Variants in SBF2 observed in about 807,000 individuals in gnomAD.
SBF2 encodes myotubularin-related protein 13.
In SBF2, 112 loss-of-function variants were observed where a neutral mutation model predicts 225.2. The ratio of observed to expected loss-of-function variants is 0.50; its 90% CI spans 0.43 to 0.58. The LOEUF (loss-of-function observed/expected upper bound fraction) is 0.58, where lower values mean the gene tolerates loss of function less well. Among genes scored for constraint, SBF2 ranks in the 20% least tolerant of loss-of-function variants. SBF2 has a pLI of 0.00. For missense variants in SBF2, 1,996 were observed against 2,206.2 expected (o/e 0.90, Z 1.91); for synonymous variants, 763 against 773.3 (o/e 0.99, Z 0.22).
chr11:10,226,465 T>C (rs1468212859), intron 1 of SBF2, among the ~76,000 whole-genome samples: 3 of 151,876 alleles, frequency 2.0e-5, no homozygotes, highest in Non-Finnish European at 4.4e-5. Context: ...TATCTCCTAA[T>C]ACTATCCCTC....
intron 2 of SBF2, among the ~76,000 whole-genome samples, chr11:10,088,891 G>A (rs1231199319): frequency 6.6e-6 from 1 of 152,152 alleles, no homozygotes; most frequent in Non-Finnish European, 1.5e-5. Flanking sequence ...CTTTCTCATT[G>A]TATTTTTGGA....
intron 18 of SBF2, among the ~76,000 whole-genome samples, chr11:9,856,944 C>A (rs1312759115): frequency 1.3e-5 from 2 of 152,006 alleles, no homozygotes; most frequent in Non-Finnish European, 2.9e-5. Context: ...CCTGCCACCA[C>A]GCCCAGCTAA....
intron 25 of SBF2, among the ~76,000 whole-genome samples, chr11:9,842,296 T>C (rs1856214215): frequency 6.6e-6 from 1 of 152,214 alleles, no homozygotes; most frequent in Non-Finnish European, 1.5e-5. Flanking sequence ...AAATTCTTAT[T>C]CTAGAAGGAT....
At position 9,942,891 on chromosome 11, in the gene SBF2, A is replaced by AAG. The variant is rs754405397; in HGVS notation, c.1860+19064_1860+19065dup. ...AGGAAGAAAGAAAGAAAAGAAAAGA[A>AAG]AGAGAGAGAGAGAAAGAAAGAAAGA... is the stretch of plus-strand genomic sequence containing the variant. On this transcript the variant is annotated intron_variant, in intron 16 of 39. Coordinates refer to ENST00000256190, the MANE Select transcript of SBF2 (RefSeq NM_030962.4). Among the ~76,000 whole-genome samples the AAG allele has an allele frequency of 6.1e-3, 398 of 65,496 alleles. 3 individuals are homozygous for AAG. Among genetic ancestry groups the AAG allele is most frequent in the African/African-American group, 0.014 (317 of 22,464 alleles). The allele number at this position is 65,496 out of a possible 152,430, so 43.0% of individuals were successfully genotyped here.
At chr11:9,881,693 C>A (rs930624845) in intron 17 of SBF2, among the ~76,000 whole-genome samples, 1 of 152,018 alleles carries the variant, frequency 6.6e-6, no homozygotes, top group African/African-American at 2.4e-5. Flanking sequence ...GAAAAGAGAA[C>A]AGATTTTAGC....
intron 2 of SBF2, among the ~76,000 whole-genome samples, chr11:10,106,933 C>T (rs1952585451): frequency 6.6e-6 from 1 of 152,054 alleles, no homozygotes; most frequent in Non-Finnish European, 1.5e-5. Flanking sequence ...TATTCTAATT[C>T]ATTAGACAAA....
chr11:10,137,842 AC>A (rs948245014), intron 2 of SBF2, among the ~76,000 whole-genome samples: 10 of 152,040 alleles, frequency 6.6e-5, no homozygotes, highest in South Asian at 4.2e-4. Context: ...CCCCGTCTCT[AC>A]TAAAAATATA....
chr11:10,143,099 C>G (rs1372065221), intron 2 of SBF2, among the ~76,000 whole-genome samples: 6 of 152,150 alleles, frequency 3.9e-5, no homozygotes, highest in Admixed American at 3.9e-4. Context: ...TTTGGTTAAT[C>G]TATAAAATAT....
intron 17 of SBF2, among the ~76,000 whole-genome samples, chr11:9,894,974 ACT>A: frequency 6.6e-6 from 1 of 152,152 alleles, no homozygotes; most frequent in Non-Finnish European, 1.5e-5. Flanking sequence ...AAGAGCTAAA[ACT>A]CTGTCTCAAT....
chr11:10,214,313 C>T (rs1185192703), intron 1 of SBF2, among the ~76,000 whole-genome samples: 1 of 152,152 alleles, frequency 6.6e-6, no homozygotes, highest in African/African-American at 2.4e-5. Flanking sequence ...CTGCTTTAAA[C>T]TCTACAGTGG....
intron 16 of SBF2, among the ~76,000 whole-genome samples, chr11:9,923,680 A>C (rs180973514): frequency 2.2e-4 from 34 of 152,330 alleles, no homozygotes; most frequent in Admixed American, 3.9e-4. Flanking sequence ...CATGCTGTGA[A>C]TTGCAGGAGG....
At chr11:10,137,413 C>T (rs542124927) in intron 2 of SBF2, among the ~76,000 whole-genome samples, 1 of 152,208 alleles carries the variant, frequency 6.6e-6, no homozygotes, top group African/African-American at 2.4e-5. Context: ...ATTGAGCTGG[C>T]TAGAACTTCC....
chr11:10,048,099 G>A (rs950936418), intron 2 of SBF2, among the ~76,000 whole-genome samples: 2 of 152,090 alleles, frequency 1.3e-5, no homozygotes, highest in African/African-American at 4.8e-5. Flanking sequence ...TGGTATCTGT[G>A]GAGGATTGGT....
chr11:10,202,710 C>T (rs1030250045), intron 1 of SBF2, among the ~76,000 whole-genome samples: 2 of 152,160 alleles, frequency 1.3e-5, no homozygotes, highest in African/African-American at 4.8e-5. Flanking sequence ...ATGGCGTGAA[C>T]CCGGGAGGCG....
At chr11:9,877,504 G>A (rs953556275) in intron 17 of SBF2, among the ~76,000 whole-genome samples, 5 of 152,016 alleles carry the variant, frequency 3.3e-5, no homozygotes, top group Non-Finnish European at 5.9e-5. Context: ...CCATCAACTC[G>A]TCATTTACAT....
chr11:9,973,409 T>C (rs1490462171), intron 13 of SBF2, among the ~76,000 whole-genome samples: 2 of 152,146 alleles, frequency 1.3e-5, no homozygotes, highest in Non-Finnish European at 2.9e-5. Flanking sequence ...TATAAAGTAA[T>C]AAACAAGGGC....
intron 16 of SBF2, chr11:9,960,953 G>A (rs1015905323): frequency 2.0e-5 from 3 of 147,394 alleles, no homozygotes; most frequent in African/African-American, 7.4e-5. Context: ...ATGAGCCACT[G>A]TGCCTGGCCA....
At chr11:10,285,259 G>C (rs890641494) in intron 1 of SBF2, among the ~76,000 whole-genome samples, 44 of 81,298 alleles carry the variant, frequency 5.4e-4, no homozygotes, top group African/African-American at 1.4e-3. Context: ...TCAGTAAACT[G>C]TGATTGTGCG....
intron 1 of SBF2, among the ~76,000 whole-genome samples, chr11:10,262,738 CT>C (rs1182970025): frequency 1.3e-5 from 2 of 152,118 alleles, no homozygotes; most frequent in African/African-American, 2.4e-5. Context: ...AAGCTAAAAA[CT>C]TTTAACCAAG....
Sources: gnomAD v4.1 joint callset for allele counts (sites outside exome capture counted in the v4.1 genomes callset) on GRCh38, gnomAD v4.1.1 for gene constraint, MANE v1.5 for transcripts, NCBI Gene and HGNC (gene_info 2026-07-23, HGNC 2026-07-21) for gene names.